Variants in POU6F2 observed in about 807,000 individuals in gnomAD.
POU6F2 encodes POU class 6 homeobox 2.
POU6F2 carries 31 observed loss-of-function variants against 71.3 expected under a neutral mutation model. The ratio of observed to expected loss-of-function variants is 0.43; its 90% confidence interval spans 0.33 to 0.59. The LOEUF is 0.59. Among genes scored for constraint, POU6F2 ranks in the 20% least tolerant of loss-of-function variants. POU6F2 has a pLI of 0.04. For missense variants in POU6F2, 783 were observed against 856.8 expected (o/e 0.91, Z 1.07); for synonymous variants, 347 against 355.7 (o/e 0.98, Z 0.27).
At chr7:39,309,431 G>C (rs955265712) in intron 4 of POU6F2, among the ~76,000 whole-genome samples, 1 of 152,222 alleles carries the variant, frequency 6.6e-6, no homozygotes. Flanking sequence ...AAATGAAGGA[G>C]TAGAGATGGT....
At chr7:39,447,743 C>T (rs1788558998) in intron 7 of POU6F2, among the ~76,000 whole-genome samples, 1 of 152,142 alleles carries the variant, frequency 6.6e-6, no homozygotes, top group African/African-American at 2.4e-5. Context: ...TTTTCTTCTG[C>T]TTCTAATTAT....
At chr7:39,169,833 G>A (rs1472477537) in intron 2 of POU6F2, among the ~76,000 whole-genome samples, 4 of 152,098 alleles carry the variant, frequency 2.6e-5, no homozygotes, top group Non-Finnish European at 5.9e-5. Context: ...ATAATGTTAT[G>A]TCACATTATG....
At chr7:39,145,531 G>A (rs1489518460) in intron 2 of POU6F2, among the ~76,000 whole-genome samples, 1 of 152,220 alleles carries the variant, frequency 6.6e-6, no homozygotes, top group African/African-American at 2.4e-5. Context: ...ACCGGCAATG[G>A]TTTTAACAGG....
intron 2 of POU6F2, among the ~76,000 whole-genome samples, chr7:39,132,083 C>A (rs1024493379): frequency 6.6e-6 from 1 of 152,150 alleles, no homozygotes; most frequent in Non-Finnish European, 1.5e-5. Flanking sequence ...GTTATGCTAT[C>A]AAATACTAGG....
chr7:39,367,677 A>G (rs901308084), intron 5 of POU6F2, among the ~76,000 whole-genome samples: 13 of 152,042 alleles, frequency 8.6e-5, no homozygotes, highest in African/African-American at 3.1e-4. Context: ...ACTTTGCTTT[A>G]TTGCTCTTTG....
chr7:39,263,958 G>T (rs1333564961), intron 4 of POU6F2, among the ~76,000 whole-genome samples: 2 of 152,206 alleles, frequency 1.3e-5, no homozygotes, highest in Non-Finnish European at 2.9e-5. Flanking sequence ...AATTCTCTCA[G>T]TTCTCCCAGC....
intron 2 of POU6F2, among the ~76,000 whole-genome samples, chr7:39,203,735 G>A (rs1489969463): frequency 1.3e-5 from 2 of 152,104 alleles, no homozygotes; most frequent in South Asian, 2.1e-4. Flanking sequence ...CATTTTATAA[G>A]GTGATATGGA....
At chr7:39,164,623 G>T (rs190104491) in intron 2 of POU6F2, among the ~76,000 whole-genome samples, 103 of 151,906 alleles carry the variant, frequency 6.8e-4, no homozygotes, top group Non-Finnish European at 1.2e-3. Flanking sequence ...AGCTGCTGGT[G>T]GTCCTTAGGG....
chr7:39,082,971 C>A (rs1323491519), intron 1 of POU6F2, among the ~76,000 whole-genome samples: 1 of 152,074 alleles, frequency 6.6e-6, no homozygotes, highest in African/African-American at 2.4e-5. Flanking sequence ...TAGTTGGGAA[C>A]CTAGCCATGT....
intron 4 of POU6F2, among the ~76,000 whole-genome samples, chr7:39,293,042 C>A (rs191572168): frequency 6.6e-6 from 1 of 152,192 alleles, no homozygotes; most frequent in Non-Finnish European, 1.5e-5. Flanking sequence ...TAAAAAGAAC[C>A]TAGTGATTGC....
intron 7 of POU6F2, among the ~76,000 whole-genome samples, chr7:39,443,787 T>C (rs1326773928): frequency 1.3e-5 from 2 of 152,194 alleles, no homozygotes; most frequent in African/African-American, 4.8e-5. Flanking sequence ...ATTGAAGAAA[T>C]ATAATATGGA....
chr7:39,299,224 C>A (rs1466814972), intron 4 of POU6F2, among the ~76,000 whole-genome samples: 1 of 152,036 alleles, frequency 6.6e-6, no homozygotes, highest in Non-Finnish European at 1.5e-5. Context: ...ATTTAAACTA[C>A]CCTCACCTGC....
intron 2 of POU6F2, among the ~76,000 whole-genome samples, chr7:39,170,330 A>G (rs1253941537): frequency 1.3e-5 from 2 of 152,212 alleles, no homozygotes; most frequent in African/African-American, 2.4e-5. Context: ...AAGGAAGTAA[A>G]AAGTTAGAAA....
intron 1 of POU6F2, among the ~76,000 whole-genome samples, chr7:39,055,396 T>G (rs1335487124): frequency 6.6e-6 from 1 of 152,164 alleles, no homozygotes; most frequent in Admixed American, 6.6e-5. Context: ...AGCAATCCAC[T>G]AGATTAAGAA....
chr7:39,379,677 C>T (rs1444564921), intron 5 of POU6F2, among the ~76,000 whole-genome samples: 2 of 152,042 alleles, frequency 1.3e-5, no homozygotes, highest in African/African-American at 4.8e-5. Flanking sequence ...CTATCGTTCT[C>T]CTTTTTTCTT....
At chr7:39,076,530 A>T (rs1791007230) in intron 1 of POU6F2, among the ~76,000 whole-genome samples, 1 of 121,162 alleles carries the variant, frequency 8.3e-6, no homozygotes, top group Admixed American at 8.0e-5. Flanking sequence ...TTATATTTTT[A>T]AAAAGAAAAA....
At chr7:39,335,289 T>G (rs1313856805) in intron 4 of POU6F2, among the ~76,000 whole-genome samples, 4 of 152,216 alleles carry the variant, frequency 2.6e-5, no homozygotes, top group Non-Finnish European at 4.4e-5. Context: ...AATTAGCATC[T>G]TTATCTTTGA....
intron 2 of POU6F2, among the ~76,000 whole-genome samples, chr7:39,087,870 T>C (rs1301694312): frequency 1.3e-5 from 2 of 152,272 alleles, no homozygotes; most frequent in East Asian, 1.9e-4. Flanking sequence ...AACACTGTTA[T>C]AGATTTGTTA....
At chr7:39,366,577 G>A (rs954057250) in intron 5 of POU6F2, among the ~76,000 whole-genome samples, 1 of 152,172 alleles carries the variant, frequency 6.6e-6, no homozygotes, top group African/African-American at 2.4e-5. Context: ...CGACCAGCAA[G>A]CAAGATCCCC....
Sources: allele counts gnomAD v4.1 joint callset (sites outside exome capture counted in the v4.1 genomes callset), GRCh38; gene constraint gnomAD v4.1.1; transcripts MANE v1.5; gene names NCBI Gene and HGNC (gene_info 2026-07-23, HGNC 2026-07-21).